Variants in XXYLT1 observed in about 807,000 individuals in gnomAD.
XXYLT1 encodes xyloside xylosyltransferase 1.
XXYLT1 carries 20 observed loss-of-function variants against 28.9 expected under a neutral mutation model. The observed-to-expected ratio is 0.69, with a 90% confidence interval of 0.49 to 1.00. The LOEUF (loss-of-function observed/expected upper bound fraction) is 1.00, where lower values mean the gene tolerates loss of function less well. XXYLT1 is among the 50% of genes least tolerant of loss of function. The pLI is 0.00. For missense variants in XXYLT1, 542 were observed against 560.1 expected, an observed-to-expected ratio of 0.97 and a Z score of 0.33; for synonymous variants, 257 against 253.8, an observed-to-expected ratio of 1.01 and a Z score of -0.12.
intron 2 of XXYLT1, among the ~76,000 whole-genome samples, chr3:195,185,785 C>A: frequency 6.6e-6 from 1 of 152,124 alleles, no homozygotes; most frequent in Non-Finnish European, 1.5e-5. Context: ...CCAACCCTTA[C>A]TTCTCTAAAA....
intron 2 of XXYLT1, among the ~76,000 whole-genome samples, chr3:195,179,487 T>C (rs1000201516): frequency 3.2e-4 from 48 of 151,962 alleles, no homozygotes; most frequent in Non-Finnish European, 1.5e-4. Context: ...GAAAAGGATA[T>C]GGAAGCTCAA....
rs1715597396 is a variant in XXYLT1 at position 195,084,185 on chromosome 3, T to C, written c.786-14074A>G. Among the ~76,000 whole-genome samples, 2 of 152,112 alleles carry C rather than the reference T, an allele frequency of 1.3e-5. 1 individual carries two copies. The highest frequency in any genetic ancestry group is 4.1e-4 in the South Asian group (2 of 4,826). On this transcript the variant is annotated intron_variant, in intron 3 of 3. Transcript: ENST00000310380. ...AGCGGGCTTTGGTTCTCTGGGAAGG[T>C]CCGGCTGGTAAGGCAGAAAAGCAGA...
intron 2 of XXYLT1, among the ~76,000 whole-genome samples, chr3:195,167,106 G>A (rs953540371): frequency 3.3e-5 from 5 of 152,212 alleles, no homozygotes; most frequent in Admixed American, 6.5e-5. Context: ...GCGCCATGTC[G>A]GCAGGCACAT....
chr3:195,119,677 G>A (rs1210531735), intron 3 of XXYLT1, among the ~76,000 whole-genome samples: 2 of 152,150 alleles, frequency 1.3e-5, no homozygotes, highest in Non-Finnish European at 2.9e-5. Context: ...GGAGGCCTCC[G>A]AGGGCTGTTT....
chr3:195,079,430 G>A (rs1273769083), intron 3 of XXYLT1, among the ~76,000 whole-genome samples: 7 of 152,140 alleles, frequency 4.6e-5, no homozygotes, highest in Middle Eastern at 3.2e-3. Flanking sequence ...CAGGGAAAAC[G>A]GCAGGGTGGC....
intron 3 of XXYLT1, among the ~76,000 whole-genome samples, chr3:195,125,502 C>G (rs896454316): frequency 1.3e-5 from 2 of 152,160 alleles, no homozygotes; most frequent in Non-Finnish European, 2.9e-5. Flanking sequence ...AGCTCACAAG[C>G]CTGGTGGGGG....
rs751291357 is a variant in XXYLT1 at position 195,101,692 on chromosome 3, GGT to G, written c.786-31583_786-31582del. 2.8e-3 allele frequency among the ~76,000 whole-genome samples: 420 copies of G among 151,664 alleles called. 3 individuals carry two copies. Among genetic ancestry groups the G allele is most frequent in the South Asian group, 2.9e-3 (14 of 4,792 alleles). On this transcript the variant is annotated intron_variant, in intron 3 of 3. Transcript: ENST00000310380. ...AAAATACATCTGAGCCGGGTGCTGT[GGT>G]GTGTTCCTGTTATCCTAGCTACCTG...
chr3:195,248,219 T>C (rs568234269), intron 1 of XXYLT1, among the ~76,000 whole-genome samples: 4 of 152,248 alleles, frequency 2.6e-5, no homozygotes, highest in Admixed American at 2.6e-4. Flanking sequence ...AGAAGAAAGC[T>C]TTAGAACTTT....
chr3:195,154,596 C>T (rs1213711880), intron 3 of XXYLT1, among the ~76,000 whole-genome samples: 2 of 152,154 alleles, frequency 1.3e-5, no homozygotes, highest in Admixed American at 6.5e-5. Context: ...ACACACTGCG[C>T]TCCCTCCCAA....
chr3:195,212,126 C>T lies in XXYLT1; in HGVS notation c.652+14583G>A, dbSNP rs866294727. 1.6e-3 allele frequency among the ~76,000 whole-genome samples: 208 copies of T among 128,778 alleles called. 1 individual carries two copies. Among genetic ancestry groups the T allele is most frequent in the African/African-American group, 5.6e-3 (158 of 28,106 alleles). The allele number at this position is 128,778 out of a possible 152,430, so 84.5% of individuals were successfully genotyped here. Reference sequence around the variant, plus strand: ...CTGGAGGAGGAGAGGGGGCAAGCCACGGAATGCCACCGGGAAGATCTGGAG... The same window carrying T: ...CTGGAGGAGGAGAGGGGGCAAGCCATGGAATGCCACCGGGAAGATCTGGAG... On this transcript the variant is annotated intron_variant, in intron 2 of 3. Coordinates refer to ENST00000310380, the MANE Select transcript of XXYLT1 (RefSeq NM_152531.5).
At chr3:195,123,252 A>G (rs1436481972) in intron 3 of XXYLT1, among the ~76,000 whole-genome samples, 1 of 151,410 alleles carries the variant, frequency 6.6e-6, no homozygotes, top group Non-Finnish European at 1.5e-5. Flanking sequence ...CCCACCACCT[A>G]TCCATCATAG....
Position 195,195,144 on chromosome 3 carries a change from A to G in XXYLT1, c.652+31565T>C, listed in dbSNP as rs1220162434. On this transcript the variant is annotated intron_variant, in intron 2 of 3. Transcript: ENST00000310380. This position sits in a 1 kb window ranked among gnomAD's most constrained non-coding sequence, Gnocchi z 4.4. ...AAACCATAAAACAGCAGCTGTTACT[A>G]CAATGGTTGTTGACGTTAAATGCTA... Among the ~76,000 whole-genome samples the G allele has an allele frequency of 6.6e-6, 1 of 152,170 alleles. No homozygotes were observed. The highest frequency in any genetic ancestry group is 1.9e-4 in the East Asian group (1 of 5,200).
intron 1 of XXYLT1, among the ~76,000 whole-genome samples, chr3:195,243,203 C>A (rs1402260295): frequency 6.6e-6 from 1 of 151,748 alleles, no homozygotes; most frequent in Non-Finnish European, 1.5e-5. Context: ...CACACCAGGG[C>A]CTGTCGTGGG....
At position 195,180,355 on chromosome 3, in the gene XXYLT1, T is replaced by C; in HGVS notation, c.653-23774A>G. Reference sequence around the variant, plus strand: ...GAAGGAGCCACAAAGGTCTGGATGGTTTATCCCCCTGGCCCGCCTGGCCCT... The same window carrying C: ...GAAGGAGCCACAAAGGTCTGGATGGCTTATCCCCCTGGCCCGCCTGGCCCT... On this transcript the variant is annotated intron_variant, in intron 2 of 3. Coordinates refer to ENST00000310380, the MANE Select transcript of XXYLT1 (RefSeq NM_152531.5). This position sits in a 1 kb window ranked among gnomAD's most constrained non-coding sequence, Gnocchi z 5.8. 1.0e-6 allele frequency: 1 copy of C among 985,414 alleles called. No homozygotes were observed. The highest frequency in any genetic ancestry group is 1.2e-6 in the Non-Finnish European group (1 of 830,002). The allele number at this position is 985,414 out of a possible 1,614,324, so 61.0% of individuals were successfully genotyped here.
In XXYLT1 at chr3:195,180,047, G is replaced by A. The variant is rs986892190; in HGVS notation, c.653-23466C>T. Among the ~76,000 whole-genome samples the A allele has an allele frequency of 1.4e-4, 22 of 152,152 alleles. No individual in the cohort carries two copies. The highest frequency in any genetic ancestry group is 4.8e-4 in the African/African-American group (20 of 41,438). ...TCGGGCCAGGGTGCGGCTGAGTGAC[G>A]GAGCGCCTGGTGAGGGACAGAAGAA... is the stretch of plus-strand genomic sequence containing the variant. On this transcript the variant is annotated intron_variant, in intron 2 of 3. Coordinates refer to ENST00000310380, the MANE Select transcript of XXYLT1 (RefSeq NM_152531.5). This position sits in a 1 kb window ranked among gnomAD's most constrained non-coding sequence, Gnocchi z 5.8.
At chr3:195,270,253 C>G (rs1725973434) in intron 1 of XXYLT1, 2 of 571,912 alleles carry the variant, frequency 3.5e-6, no homozygotes, top group Admixed American at 6.6e-5. Context: ...GTGCTGAACC[C>G]TGCAACGTTA....
chr3:195,245,455 C>A (rs1433328467), intron 1 of XXYLT1, among the ~76,000 whole-genome samples: 1 of 152,120 alleles, frequency 6.6e-6, no homozygotes, highest in Non-Finnish European at 1.5e-5. Context: ...CTGCACCTGG[C>A]CCAATTCATC....
chr3:195,178,231 C>T (rs1721770616), intron 2 of XXYLT1, among the ~76,000 whole-genome samples: 1 of 152,034 alleles, frequency 6.6e-6, no homozygotes, highest in Non-Finnish European at 1.5e-5. Context: ...GATGCTCTCC[C>T]GCTTGGCTGC....
chr3:195,214,350 T>C (rs901186605), intron 2 of XXYLT1, among the ~76,000 whole-genome samples: 3 of 152,066 alleles, frequency 2.0e-5, no homozygotes, highest in Non-Finnish European at 2.9e-5. Flanking sequence ...GCTCTCCCTC[T>C]TCCCTGCATC....
Sources: allele counts gnomAD v4.1 joint callset (sites outside exome capture counted in the v4.1 genomes callset), GRCh38; gene constraint gnomAD v4.1.1; non-coding constraint Gnocchi (gnomAD v3.1); transcripts MANE v1.5; gene names NCBI Gene and HGNC (gene_info 2026-07-23, HGNC 2026-07-21).